The following ZNF730 variants were observed in gnomAD, a reference collection of about 807,000 sequenced individuals.
ZNF730 encodes the protein putative zinc finger protein 730.
In ZNF730, 12 loss-of-function variants were observed where a neutral mutation model predicts 12.6. The observed-to-expected ratio is 0.95, with a 90% CI of 0.61 to 1.54. The LOEUF is 1.54. ZNF730 is among the 40% of genes most tolerant of loss of function. The pLI is 0.00. For missense variants in ZNF730, 643 were observed against 583.5 expected (o/e 1.10, Z -1.05); for synonymous variants, 194 against 195.8 (o/e 0.99, Z 0.08).
intron 1 of ZNF730, among the ~76,000 whole-genome samples, chr19:23,105,312 T>C (rs1872860486): frequency 6.6e-6 from 1 of 152,000 alleles, no homozygotes; most frequent in Non-Finnish European, 1.5e-5. Flanking sequence ...AGACAGGATT[T>C]AGCCATCTTG....
chr19:23,140,627 T>C (rs1240327038), intron 3 of ZNF730, among the ~76,000 whole-genome samples: 1 of 136,270 alleles, frequency 7.3e-6, no homozygotes, highest in Non-Finnish European at 1.6e-5. Context: ...AAAAAAAAGA[T>C]GTAAAAACAT....
intron 1 of ZNF730, among the ~76,000 whole-genome samples, chr19:23,076,944 T>TA (rs1227875919): frequency 2.0e-5 from 3 of 152,184 alleles, no homozygotes; most frequent in African/African-American, 7.2e-5. Flanking sequence ...GCTGAATGCC[T>TA]ATCAATGATA....
upstream of ZNF730, among the ~76,000 whole-genome samples, chr19:23,112,062 C>A (rs984932891): frequency 6.6e-6 from 1 of 151,592 alleles, no homozygotes; most frequent in East Asian, 1.9e-4. Context: ...TATCTAGAAC[C>A]CAGAGATTGA....
At chr19:23,083,931 C>G (rs1366387712) in intron 1 of ZNF730, among the ~76,000 whole-genome samples, 2 of 152,092 alleles carry the variant, frequency 1.3e-5, no homozygotes, top group Non-Finnish European at 2.9e-5. Context: ...GATGTAATCT[C>G]ATTAGCTCAT....
At chr19:23,107,888 G>A (rs980503942) in intron 1 of ZNF730, among the ~76,000 whole-genome samples, 1 of 152,102 alleles carries the variant, frequency 6.6e-6, no homozygotes, top group South Asian at 2.1e-4. Flanking sequence ...TTGGTTCATG[G>A]TATGTTTTTT....
At chr19:23,078,485 C>A (rs1969906145) in intron 1 of ZNF730, among the ~76,000 whole-genome samples, 1 of 152,066 alleles carries the variant, frequency 6.6e-6, no homozygotes, top group Non-Finnish European at 1.5e-5. Context: ...TTGTTTATGA[C>A]ACAGAGATAT....
intron 1 of ZNF730, among the ~76,000 whole-genome samples, chr19:23,102,685 A>G (rs759357978): frequency 6.6e-6 from 1 of 151,730 alleles, no homozygotes; most frequent in Non-Finnish European, 1.5e-5. Context: ...CCGTAGAGAC[A>G]TGGTTTCAGC....
At chr19:23,093,944 T>C (rs550508778) in intron 1 of ZNF730, among the ~76,000 whole-genome samples, 2 of 152,302 alleles carry the variant, frequency 1.3e-5, no homozygotes, top group East Asian at 3.9e-4. Context: ...CCACCAGATG[T>C]TTGCCAAGAG....
chr19:23,128,460 CA>C, intron 1 of ZNF730: 1 of 340,798 alleles, frequency 2.9e-6, no homozygotes, highest in East Asian at 6.2e-5. Flanking sequence ...GGAACCATCC[CA>C]AAATGTCCCT....
chr19:23,146,857 G>T lies in ZNF730; in HGVS notation c.*301G>T. 1.4e-6 allele frequency: 1 copy of T among 726,960 alleles called. No individual in the cohort carries two copies. Among genetic ancestry groups the T allele is most frequent in the Non-Finnish European group, 2.4e-6 (1 of 415,976 alleles). 45.0% of individuals were successfully genotyped at this position (726,960 alleles called of 1,614,324 possible). On this transcript the variant is annotated 3_prime_UTR_variant, in exon 4 of 4. Transcript: ENST00000597761. ...TTTAACAAATCCTTAATTCTTAACAGACATGATTCATACCAGAGAGAAACT... is the reference window on the plus strand; with the variant it reads ...TTTAACAAATCCTTAATTCTTAACATACATGATTCATACCAGAGAGAAACT...
At chr19:23,095,390 AG>A (rs1387702343) in intron 1 of ZNF730, 5 of 398,462 alleles carry the variant, frequency 1.3e-5, no homozygotes, top group African/African-American at 8.2e-5. Context: ...TCTACTGCCT[AG>A]GTCCTGCCTA....
At chr19:23,105,661 A>C (rs768434656) in intron 1 of ZNF730, among the ~76,000 whole-genome samples, 1 of 152,200 alleles carries the variant, frequency 6.6e-6, no homozygotes, top group African/African-American at 2.4e-5. Context: ...TTATATATAC[A>C]TTTATCATAT....
chr19:23,086,321 C>T (rs1446682085), intron 1 of ZNF730, among the ~76,000 whole-genome samples: 2 of 152,020 alleles, frequency 1.3e-5, no homozygotes, highest in African/African-American at 4.8e-5. Flanking sequence ...TTAGATTTTA[C>T]TTATTTATTT....
chr19:23,107,575 C>T (rs1326973848), intron 1 of ZNF730, among the ~76,000 whole-genome samples: 2 of 151,166 alleles, frequency 1.3e-5, no homozygotes, highest in African/African-American at 4.9e-5. Flanking sequence ...GCAGTTTGTC[C>T]CTTTTGGCCT....
intron 1 of ZNF730, chr19:23,126,673 T>TTTCTGAA: frequency 2.0e-6 from 1 of 495,514 alleles, no homozygotes; most frequent in Non-Finnish European, 4.0e-6. Context: ...TTTTTTTTTT[T>TTTCTGAA]TCTGAATGCA....
At position 23,135,983 on chromosome 19, in the gene ZNF730, C is replaced by T. The variant is rs778008971; in HGVS notation, c.166C>T (p.Leu56=). The T allele has an allele frequency of 6.2e-7, 1 of 1,609,128 alleles. No individual in the cohort carries two copies. Among genetic ancestry groups the T allele is most frequent in the African/African-American group, 1.3e-5 (1 of 74,750 alleles). Residue 56 remains leucine (L), a synonymous_variant, in exon 3 of 4, where the codon CTG becomes TTG. Coordinates refer to ENST00000597761, the MANE Select transcript of ZNF730 (RefSeq NM_001277403.2). ...AVSKPDLITC[L]EQEKEPWNLK... ...CTCAAAGCCAGACCTGATCACCTGT[C>T]TGGAGCAAGAAAAAGAGCCTTGGAA... is the stretch of plus-strand genomic sequence containing the variant.
chr19:23,090,433 A>G (rs1970137935), intron 1 of ZNF730, among the ~76,000 whole-genome samples: 1 of 152,188 alleles, frequency 6.6e-6, no homozygotes, highest in Admixed American at 6.5e-5. Flanking sequence ...TTCTAAGCAG[A>G]AAAGCATTCA....
chr19:23,134,283 A>C, intron 2 of ZNF730, 77 bp downstream of exon 2: 1 of 1,272,468 alleles, frequency 7.9e-7, no homozygotes. Context: ...CTGTGCTTTC[A>C]GATCCCGGGT....
intron 2 of ZNF730, among the ~76,000 whole-genome samples, chr19:23,134,596 T>TGG (rs71163450): frequency 3.7e-5 from 4 of 109,340 alleles, no homozygotes; most frequent in African/African-American, 1.2e-4. Context: ...TCCTGGAGGG[T>TGG]GGGGGGGGGG....
Sources: allele counts gnomAD v4.1 joint callset (sites outside exome capture counted in the v4.1 genomes callset), GRCh38; gene constraint gnomAD v4.1.1; transcripts MANE v1.5; gene names NCBI Gene and HGNC (gene_info 2026-07-23, HGNC 2026-07-21).